ATP6V1A: variants seen among roughly 807,000 people sequenced by gnomAD.
ATP6V1A encodes the protein ATPase H+ transporting V1 subunit A.
In ATP6V1A, 18 loss-of-function variants were observed where a neutral mutation model predicts 70.1. That is an observed-to-expected ratio of 0.26 (90% CI 0.18 to 0.38). The LOEUF (loss-of-function observed/expected upper bound fraction) is 0.38. ATP6V1A is among the 10% of genes least tolerant of loss of function. ATP6V1A has a pLI of 1.00. For synonymous variants in ATP6V1A, 232 were observed against 253.8 expected, an observed-to-expected ratio of 0.91 and a Z score of 0.82; for missense variants, 424 against 772.4, an observed-to-expected ratio of 0.55 and a Z score of 5.35.
At chr3:113,759,796 A>G (rs563064170) in intron 1 of ATP6V1A, among the ~76,000 whole-genome samples, 3 of 152,232 alleles carry the variant, frequency 2.0e-5, no homozygotes, top group South Asian at 2.1e-4. Context: ...TAGAGTTTCT[A>G]TTTCCCCCCA....
chr3:113,764,232 C>CA (rs567173902), intron 1 of ATP6V1A, among the ~76,000 whole-genome samples: 20 of 137,870 alleles, frequency 1.5e-4, no homozygotes, highest in Admixed American at 2.2e-4. Context: ...GACCTTGTCT[C>CA]AAAAAAAAAA....
intron 11 of ATP6V1A, among the ~76,000 whole-genome samples, chr3:113,796,667 G>T (rs1179941104): frequency 6.6e-6 from 1 of 152,038 alleles, no homozygotes; most frequent in Non-Finnish European, 1.5e-5. Flanking sequence ...AGTGATATGT[G>T]TATATTATTC....
chr3:113,750,463 C>G (rs1306899344), intron 1 of ATP6V1A, among the ~76,000 whole-genome samples: 1 of 152,066 alleles, frequency 6.6e-6, no homozygotes, highest in Non-Finnish European at 1.5e-5. Flanking sequence ...GCCTGGGCAA[C>G]AGAGTGAGAC....
chr3:113,782,654 C>T (rs144764807), intron 3 of ATP6V1A, among the ~76,000 whole-genome samples: 4,349 of 149,618 alleles, frequency 0.029, 101 homozygotes, highest in Non-Finnish European at 0.042. Flanking sequence ...GACAGAGTCT[C>T]ACTCTGTCGC....
At chr3:113,765,266 T>C (rs997065899) in intron 1 of ATP6V1A, among the ~76,000 whole-genome samples, 3 of 152,166 alleles carry the variant, frequency 2.0e-5, no homozygotes, top group African/African-American at 7.2e-5. Flanking sequence ...ATGTTTGTGT[T>C]ATAAAGCTAG....
chr3:113,805,260 G>C (rs2108045776), intron 13 of ATP6V1A, 94 bp from the exon 14 acceptor site: 1 of 1,243,204 alleles, frequency 8.0e-7, no homozygotes, highest in South Asian at 1.4e-5. Flanking sequence ...TGCATACTTA[G>C]ATAAAGAAAC....
At chr3:113,769,443 A>T (rs535964892) in intron 1 of ATP6V1A, among the ~76,000 whole-genome samples, 74 of 152,300 alleles carry the variant, frequency 4.9e-4, no homozygotes, top group Non-Finnish European at 7.8e-4. Context: ...CTAATGTAAC[A>T]AGTGTTACAT....
At chr3:113,766,076 CA>C (rs1488147180) in intron 1 of ATP6V1A, among the ~76,000 whole-genome samples, 2 of 151,654 alleles carry the variant, frequency 1.3e-5, no homozygotes, top group South Asian at 4.1e-4. Context: ...GTAAATAATA[CA>C]AAAAAGTCTT....
At position 113,795,987 on chromosome 3, in the gene ATP6V1A, T is replaced by C. The variant is rs751082731; in HGVS notation, c.1290+48T>C. 6.2e-6 allele frequency: 9 copies of C among 1,452,612 alleles called. No homozygotes were observed. In the South Asian group the frequency reaches 1.1e-4, roughly 18 times the overall value. 90.0% of individuals were successfully genotyped at this position (1,452,612 alleles called of 1,614,324 possible). A position where few individuals can be genotyped will look rare whatever the true frequency, so the allele number is the denominator to read the frequency against. ...CAACTTCTGAGCCTTTCCTCCTCTC[T>C]GCAGCCCCTGCTGTTCTAATGCGAT... On this transcript the variant is annotated intron_variant, in intron 11 of 14. Coordinates refer to ENST00000273398, the MANE Select transcript of ATP6V1A (RefSeq NM_001690.4).
chr3:113,772,048 T>C (rs1396678238), intron 1 of ATP6V1A, among the ~76,000 whole-genome samples: 2 of 152,182 alleles, frequency 1.3e-5, no homozygotes, highest in Non-Finnish European at 2.9e-5. Context: ...GAGGAAGAAG[T>C]TGAAATGCAG....
At chr3:113,809,198 T>G in intron 14 of ATP6V1A, 137 bp from the exon 15 acceptor site, 1 of 538,088 alleles carries the variant, frequency 1.9e-6, no homozygotes, top group Non-Finnish European at 3.2e-6. Flanking sequence ...GAGGTTGCAG[T>G]GAGCCAAGAT....
chr3:113,772,418 A>ATGT (rs1435783992), intron 1 of ATP6V1A, among the ~76,000 whole-genome samples: 1 of 152,206 alleles, frequency 6.6e-6, no homozygotes, highest in African/African-American at 2.4e-5. Context: ...GCAGATTAAA[A>ATGT]TGTAAATATT....
intron 1 of ATP6V1A, among the ~76,000 whole-genome samples, chr3:113,774,903 T>A (rs1261783807): frequency 2.6e-5 from 4 of 152,144 alleles, no homozygotes; most frequent in African/African-American, 9.7e-5. Context: ...GTAGAACGTT[T>A]TTTTATTTGT....
At position 113,803,607 on chromosome 3, in the gene ATP6V1A, A is replaced by T; in HGVS notation, c.1519A>T (p.Ile507Phe). Residue 507 changes from isoleucine to phenylalanine, a missense_variant, in exon 13 of 15, where the codon ATC becomes TTC. Transcript: ENST00000273398. The stretch of plus-strand genomic sequence containing the variant: ...GGCTTCTTTGGCAGAAACAGATAAA[A>T]TCACTCTGGAGGTAGCAAAACTTAT... ...GKASLAETDK[I>F]TLEVAKLIKD... is the part of the protein sequence containing the mutation. 4 of 1,611,562 alleles carry T rather than the reference A, an allele frequency of 2.5e-6. No homozygotes were observed. The highest frequency in any genetic ancestry group is 3.4e-6 in the Non-Finnish European group (4 of 1,178,262).
In ATP6V1A at chr3:113,810,784, T is replaced by C. The variant is rs1709333388; in HGVS notation, c.*1357T>C. The C allele has an allele frequency of 6.6e-6, 1 of 152,262 alleles. No homozygotes were observed. The highest frequency in any genetic ancestry group is 1.5e-5 in the Non-Finnish European group (1 of 68,054). 9.4% of individuals were successfully genotyped at this position (152,262 alleles called of 1,614,324 possible). ...CAAAATAATGACATATGTCACATGT[T>C]TGCATGTTTGTTTGCTTGTTGAATT... On this transcript the variant is annotated 3_prime_UTR_variant, in exon 15 of 15. Transcript: ENST00000273398.
chr3:113,766,797 T>G lies in ATP6V1A; in HGVS notation c.-13-11944T>G, dbSNP rs151288480. On this transcript the variant is annotated intron_variant, in intron 1 of 14. Coordinates refer to ENST00000273398, the MANE Select transcript of ATP6V1A (RefSeq NM_001690.4). ...ATAGTTGGTGCAAAAGTAATTGCAG[T>G]TTTTGCCATTGCTTTCGATGGCAAA... is the stretch of plus-strand genomic sequence containing the variant. Among the ~76,000 whole-genome samples the G allele has an allele frequency of 8.8e-3, 1,343 of 152,292 alleles. 19 individuals carry two copies. The highest frequency in any genetic ancestry group is 0.063 in the South Asian group (306 of 4,820).
intron 7 of ATP6V1A, among the ~76,000 whole-genome samples, chr3:113,789,463 A>G (rs1324085889): frequency 1.3e-5 from 2 of 152,204 alleles, no homozygotes; most frequent in East Asian, 3.8e-4. Context: ...TGTGAACTTT[A>G]TGTGTGATTT....
At chr3:113,782,447 G>GC (rs1457068520) in intron 3 of ATP6V1A, among the ~76,000 whole-genome samples, 2 of 150,656 alleles carry the variant, frequency 1.3e-5, no homozygotes, top group African/African-American at 4.9e-5. Context: ...CACATTTATA[G>GC]CTCCCTTTAT....
At chr3:113,808,118 A>G (rs1478102184) in intron 14 of ATP6V1A, among the ~76,000 whole-genome samples, 2 of 150,730 alleles carry the variant, frequency 1.3e-5, no homozygotes, top group Non-Finnish European at 3.0e-5. Context: ...CAACAAGAGC[A>G]AAACTCTGTC....
Sources: gnomAD v4.1 joint callset for allele counts (sites outside exome capture counted in the v4.1 genomes callset) on GRCh38, gnomAD v4.1.1 for gene constraint, MANE v1.5 for transcripts, NCBI Gene and HGNC (gene_info 2026-07-23, HGNC 2026-07-21) for gene names.